Variants in BMAL2 observed in about 807,000 individuals in gnomAD.
The protein encoded by BMAL2 is basic helix-loop-helix ARNT like 2.
At chr12:27,388,105 A>G in the BMAL2 span, among the ~76,000 whole-genome samples, 119 of 143,522 alleles carry the variant, frequency 8.3e-4, no homozygotes, top group African/African-American at 1.4e-3. Context: ...ACATGCACGC[A>G]CACACACACA....
chr12:27,368,917 C>T, the BMAL2 span, among the ~76,000 whole-genome samples: 10 of 152,064 alleles, frequency 6.6e-5, no homozygotes, highest in Admixed American at 5.2e-4. Context: ...TTTTTGTTAC[C>T]CCTGCAGCTT....
the BMAL2 span, among the ~76,000 whole-genome samples, chr12:27,408,289 A>G: frequency 1.3e-5 from 2 of 152,174 alleles, no homozygotes; most frequent in Non-Finnish European, 2.9e-5. Context: ...AGACACAACA[A>G]AAAAAGAGAA....
At chr12:27,390,124 C>T in the BMAL2 span, 41 of 1,613,756 alleles carry the variant, frequency 2.5e-5, no homozygotes, top group Middle Eastern at 1.6e-4. Context: ...GTAATCTCCA[C>T]GCTGGAAGGA....
At chr12:27,347,894 A>G in the BMAL2 span, among the ~76,000 whole-genome samples, 2 of 152,270 alleles carry the variant, frequency 1.3e-5, no homozygotes, top group East Asian at 1.9e-4. Flanking sequence ...TACCTTAAAC[A>G]TGCTCTAAAA....
the BMAL2 span, among the ~76,000 whole-genome samples, chr12:27,360,821 A>AAAAAAAAAAAAAAC: frequency 6.7e-6 from 1 of 149,584 alleles, no homozygotes; most frequent in African/African-American, 2.4e-5. Flanking sequence ...AAAAAAAAAA[A>AAAAAAAAAAAAAAC]AAAACAGTAC....
chr12:27,371,221 G>T, the BMAL2 span, among the ~76,000 whole-genome samples: 1 of 152,204 alleles, frequency 6.6e-6, no homozygotes, highest in Non-Finnish European at 1.5e-5. Context: ...GATGGCGTAT[G>T]CCTGTAATCC....
the BMAL2 span, among the ~76,000 whole-genome samples, chr12:27,388,009 C>T: frequency 1.3e-5 from 2 of 151,992 alleles, no homozygotes; most frequent in African/African-American, 4.8e-5. Context: ...ACCGATGAAA[C>T]CTTCAGCTGG....
chr12:27,378,240 G>A, the BMAL2 span, among the ~76,000 whole-genome samples: 5 of 152,198 alleles, frequency 3.3e-5, no homozygotes, highest in Non-Finnish European at 5.9e-5. Context: ...TCAATTGGCA[G>A]CATTTCTTTC....
the BMAL2 span, among the ~76,000 whole-genome samples, chr12:27,369,866 A>G: frequency 2.0e-5 from 3 of 152,206 alleles, no homozygotes; most frequent in East Asian, 5.8e-4. Flanking sequence ...TTTTGTCAGC[A>G]AGCAACACTG....
the BMAL2 span, chr12:27,332,950 G>A: frequency 9.4e-6 from 7 of 744,098 alleles, no homozygotes; most frequent in Admixed American, 2.0e-4. Context: ...GCGGCACCCG[G>A]CAGGGCCCGC....
At chr12:27,415,948 G>T in the BMAL2 span, 4 of 1,557,766 alleles carry the variant, frequency 2.6e-6, no homozygotes, top group Non-Finnish European at 3.5e-6. Context: ...CTGCAGGAGT[G>T]TAAGTATACT....
the BMAL2 span, among the ~76,000 whole-genome samples, chr12:27,362,549 T>A: frequency 6.6e-6 from 1 of 152,198 alleles, no homozygotes; most frequent in South Asian, 2.1e-4. Context: ...AGTCCCTGTG[T>A]GTCCCTCATG....
the BMAL2 span, among the ~76,000 whole-genome samples, chr12:27,410,593 T>TGTGG: frequency 6.6e-6 from 1 of 151,888 alleles, no homozygotes; most frequent in African/African-American, 2.4e-5. Flanking sequence ...CAGGGCCTGT[T>TGTGG]GTGGGGTAGG....
the BMAL2 span, among the ~76,000 whole-genome samples, chr12:27,384,762 A>G: frequency 1.3e-5 from 2 of 152,210 alleles, no homozygotes; most frequent in Non-Finnish European, 2.9e-5. Flanking sequence ...AAAATGTTAT[A>G]TGTTCTGTCT....
At chr12:27,404,214 C>CGT in the BMAL2 span, among the ~76,000 whole-genome samples, 1 of 122,594 alleles carries the variant, frequency 8.2e-6, no homozygotes, top group African/African-American at 3.2e-5. Context: ...TACCACCATG[C>CGT]ATTTTTTTTT....
the BMAL2 span, chr12:27,389,742 G>C: frequency 1.6e-5 from 3 of 190,772 alleles, no homozygotes; most frequent in Admixed American, 1.7e-4. Context: ...AAAATGCCTA[G>C]TACCAAATAA....
chr12:27,418,150 G>A, the BMAL2 span: 2 of 1,613,218 alleles, frequency 1.2e-6, no homozygotes, highest in Non-Finnish European at 1.7e-6. Flanking sequence ...AGGCTACCAG[G>A]CAAAACCAGA....
At chr12:27,418,432 C>T in the BMAL2 span, among the ~76,000 whole-genome samples, 1 of 150,022 alleles carries the variant, frequency 6.7e-6, no homozygotes, top group Non-Finnish European at 1.5e-5. Flanking sequence ...ATAACCCATC[C>T]CTACGAAAAA....
chr12:27,360,822 A>AAAAAAAAAAAAAAAAAAAAAC, the BMAL2 span, among the ~76,000 whole-genome samples: 2 of 150,124 alleles, frequency 1.3e-5, no homozygotes, highest in South Asian at 2.1e-4. Context: ...AAAAAAAAAA[A>AAAAAAAAAAAAAAAAAAAAAC]AAACAGTACT....
Sources: allele counts gnomAD v4.1 joint callset (sites outside exome capture counted in the v4.1 genomes callset), GRCh38; gene constraint gnomAD v4.1.1; transcripts MANE v1.5; gene names NCBI Gene and HGNC (gene_info 2026-07-23, HGNC 2026-07-21).